Variants in ANKRD18A observed in about 807,000 individuals in gnomAD.
ANKRD18A encodes ankyrin repeat domain 18A.
Under a neutral mutation model 110.6 loss-of-function variants are expected in ANKRD18A, and 72 were observed. That is an observed-to-expected ratio of 0.65 (90% confidence interval 0.54 to 0.79). The LOEUF (loss-of-function observed/expected upper bound fraction) is 0.79, where lower values mean the gene tolerates loss of function less well. Ranked by LOEUF, ANKRD18A falls within the 30% of genes least tolerant of loss-of-function variation. ANKRD18A has a pLI of 0.00. For missense variants in ANKRD18A, 934 were observed against 1,163.3 expected, an observed-to-expected ratio of 0.80 and a Z score of 2.87; for synonymous variants, 305 against 410.3, an observed-to-expected ratio of 0.74 and a Z score of 3.10.
intron 8 of ANKRD18A, 148 bp from the exon 9 acceptor site, chr9:38,596,551 C>T: frequency 1.4e-6 from 1 of 712,878 alleles, no homozygotes; most frequent in Non-Finnish European, 2.1e-6. Flanking sequence ...GAAGCAAAAC[C>T]TTGAACCTTA....
intron 6 of ANKRD18A, among the ~76,000 whole-genome samples, chr9:38,605,941 T>C (rs1400514408): frequency 6.6e-6 from 1 of 152,132 alleles, no homozygotes; most frequent in Non-Finnish European, 1.5e-5. Flanking sequence ...CCAATAAAAT[T>C]ACTATTATTA....
rs1049189874 is a variant in ANKRD18A at position 38,620,402 on chromosome 9, C to T, written c.-117G>A. The T allele has an allele frequency of 1.9e-5, 26 of 1,356,484 alleles. No homozygotes were observed. In the African/African-American group the frequency reaches 2.7e-4, roughly 14 times the overall value. 84.0% of individuals were successfully genotyped at this position (1,356,484 alleles called of 1,614,324 possible). ...CTCCCCCGCAACCCGCGATCCCCCC[C>T]GCAACCCGCGATCCACCCCCAAATC... is the stretch of plus-strand genomic sequence containing the variant. On this transcript the variant is annotated 5_prime_UTR_variant, in exon 1 of 16. Transcript: ENST00000399703.
chr9:38,599,586 T>A (rs1435364142), intron 8 of ANKRD18A, among the ~76,000 whole-genome samples: 2 of 151,992 alleles, frequency 1.3e-5, no homozygotes, highest in Admixed American at 6.6e-5. Flanking sequence ...TGCCTCAGCC[T>A]CCCGAGTAGC....
At chr9:38,604,707 C>G (rs1454228703) in intron 6 of ANKRD18A, among the ~76,000 whole-genome samples, 1 of 151,764 alleles carries the variant, frequency 6.6e-6, no homozygotes, top group African/African-American at 2.4e-5. Flanking sequence ...ACAACAAAGT[C>G]TTTCCCAAGC....
chr9:38,575,616 T>C lies in ANKRD18A; in HGVS notation c.2824A>G (p.Thr942Ala), dbSNP rs1823854328. The change falls in exon 15 of 16, where the codon ACA becomes GCA. Residue 942 changes from threonine to alanine, a missense_variant. Transcript: ENST00000399703. ...RMKYFLSTLPTRPEPELPCVE... is the reference protein window; with the variant it reads ...RMKYFLSTLPARPEPELPCVE... ...CAAGGTAACTCTGGTTCTGGCCTTG[T>C]AGGAAGAGTGCTGAGAAAATATTTC... The C allele has an allele frequency of 1.9e-6, 3 of 1,551,612 alleles. No individual in the cohort carries two copies. Among genetic ancestry groups the C allele is most frequent in the African/African-American group, 1.4e-5 (1 of 73,060 alleles).
chr9:38,615,679 G>C lies in ANKRD18A; in HGVS notation c.410C>G (p.Ala137Gly). 4 of 1,612,332 alleles carry C rather than the reference G, an allele frequency of 2.5e-6. No individual in the cohort carries two copies. Among genetic ancestry groups the C allele is most frequent in the Non-Finnish European group, 2.5e-6 (3 of 1,179,802 alleles). The change falls in exon 3 of 16, where the codon GCT becomes GGT. Residue 137 changes from alanine to glycine, a missense_variant. Around this residue, in one of 4 missense-constraint regions of ANKRD18A, gnomAD observed 630 missense variants for 797.5 expected, o/e 0.79. Transcript: ENST00000399703. ...CTTATTATACACGGCATAATGGAGA[G>C]CAGTGTTGCCGTAGATATCCTCAAT... Reference protein sequence around the residue: ...PNIEDIYGNTALHYAVYNKGT... With the variant: ...PNIEDIYGNTGLHYAVYNKGT...
intron 14 of ANKRD18A, 44 bp from the exon 15 acceptor site, chr9:38,575,742 T>C (rs1230118416): frequency 6.6e-7 from 1 of 1,504,718 alleles, no homozygotes; most frequent in East Asian, 2.5e-5. Flanking sequence ...TCATTTTTCC[T>C]TGAATGATTC....
Position 38,593,767 on chromosome 9 carries a change from T to A in ANKRD18A, c.1997A>T (p.Glu666Val). The A allele has an allele frequency of 6.5e-7, 1 of 1,528,948 alleles. No homozygotes were observed. The highest frequency in any genetic ancestry group is 2.5e-5 in the East Asian group (1 of 40,450). The allele number at this position is 1,528,948 out of a possible 1,614,324, so 94.7% of individuals were successfully genotyped here. The change falls in exon 10 of 16, where the codon GAA (glutamate) becomes GTA (valine). Residue 666 changes from glutamate (E) to valine (V), a missense_variant. This residue lies in a region of ANKRD18A where 630 missense variants were observed against 797.5 expected (regional missense o/e 0.79). Coordinates refer to ENST00000399703, the MANE Select transcript of ANKRD18A (RefSeq NM_147195.4). ...GTTAAATTCCATACATACTTGAATT[T>A]CTACTTGAAATAATTTCTTCTTTGA... ...WTSKKKLFQV[E>V]IQPEEKHEEF...
rs1825045859 is a variant in ANKRD18A at position 38,599,811 on chromosome 9, T to G, written c.936+1320A>C. 2.6e-5 allele frequency among the ~76,000 whole-genome samples: 4 copies of G among 152,166 alleles called. No individual in the cohort carries two copies. The South Asian group carries it at 8.3e-4, about 32-fold the overall frequency. On this transcript the variant is annotated intron_variant, in intron 8 of 15. Coordinates refer to ENST00000399703, the MANE Select transcript of ANKRD18A (RefSeq NM_147195.4). ...TCCTGAATATACAGATATATCCTCTTTATTACAATTCTTACTCAGTTCTGG... is the reference window on the plus strand; with the variant it reads ...TCCTGAATATACAGATATATCCTCTGTATTACAATTCTTACTCAGTTCTGG...
At chr9:38,617,112 T>C (rs1456377188) in intron 1 of ANKRD18A, among the ~76,000 whole-genome samples, 1 of 152,176 alleles carries the variant, frequency 6.6e-6, no homozygotes, top group Non-Finnish European at 1.5e-5. Context: ...TAACAACATA[T>C]TTTTTAAACA....
intron 11 of ANKRD18A, 85 bp downstream of exon 11, chr9:38,588,466 A>T (rs1824482033): frequency 2.2e-6 from 2 of 893,816 alleles, no homozygotes; most frequent in Non-Finnish European, 3.0e-6. Flanking sequence ...CATAAAATGG[A>T]TTTGTATCAA....
intron 10 of ANKRD18A, among the ~76,000 whole-genome samples, chr9:38,590,691 C>T (rs1160231798): frequency 2.6e-5 from 4 of 152,144 alleles, no homozygotes; most frequent in African/African-American, 9.7e-5. Context: ...TTGGGGGACA[C>T]TCAACTATGT....
intron 14 of ANKRD18A, among the ~76,000 whole-genome samples, chr9:38,576,638 G>A (rs1823907465): frequency 6.6e-6 from 1 of 152,170 alleles, no homozygotes; most frequent in African/African-American, 2.4e-5. Context: ...TGTGCCCAGA[G>A]TAGCAGTATC....
intron 15 of ANKRD18A, chr9:38,573,108 G>A (rs2118618184): frequency 2.1e-6 from 3 of 1,412,886 alleles, no homozygotes; most frequent in Non-Finnish European, 1.9e-6. Context: ...GTAATTATTT[G>A]TTCTACACGG....
chr9:38,618,958 T>C (rs1172571699), intron 1 of ANKRD18A, among the ~76,000 whole-genome samples: 1 of 149,668 alleles, frequency 6.7e-6, no homozygotes, highest in African/African-American at 2.4e-5. Context: ...AAAGAATAAA[T>C]TCCCTGTAGG....
chr9:38,579,585 A>G (rs994789583), intron 12 of ANKRD18A, among the ~76,000 whole-genome samples: 13 of 152,228 alleles, frequency 8.5e-5, no homozygotes, highest in Admixed American at 1.3e-4. Flanking sequence ...AATGTTCAGT[A>G]TCACTAATCA....
intron 5 of ANKRD18A, among the ~76,000 whole-genome samples, chr9:38,608,148 A>G (rs1456225186): frequency 6.6e-6 from 1 of 152,182 alleles, no homozygotes; most frequent in Non-Finnish European, 1.5e-5. Flanking sequence ...ATATACAAAT[A>G]TATTATTATC....
rs1825410437 is a variant in ANKRD18A at position 38,607,409 on chromosome 9, A to G, written c.808+17T>C. 2 of 1,461,660 alleles carry G rather than the reference A, an allele frequency of 1.4e-6. No homozygotes were observed. Among genetic ancestry groups the G allele is most frequent in the Non-Finnish European group, 9.1e-7 (1 of 1,097,852 alleles). The allele number at this position is 1,461,660 out of a possible 1,614,324, so 90.5% of individuals were successfully genotyped here. A position where few individuals can be genotyped will look rare whatever the true frequency, so the allele number is the denominator to read the frequency against. On this transcript the variant is annotated intron_variant, in intron 6 of 15. Transcript: ENST00000399703. ...GATCACCAAGGGAAATGAGAAATTT[A>G]CTATCAGAAGTCTTACCTTGATTGT...
At chr9:38,620,041 T>C (rs1274422119) in intron 1 of ANKRD18A, 39 bp downstream of exon 1, 6 of 1,546,242 alleles carry the variant, frequency 3.9e-6, no homozygotes, top group Non-Finnish European at 5.2e-6. Flanking sequence ...AAGCCGGGCC[T>C]GCGGCCCCCT....
Sources: allele counts gnomAD v4.1 joint callset (sites outside exome capture counted in the v4.1 genomes callset), GRCh38; gene constraint gnomAD v4.1.1; regional missense constraint gnomAD v4.1.1; transcripts MANE v1.5; gene names NCBI Gene and HGNC (gene_info 2026-07-23, HGNC 2026-07-21).